CRB1: variants seen among roughly 807,000 people sequenced by gnomAD.
CRB1 encodes the protein protein crumbs homolog 1.
Under a neutral mutation model 120.0 loss-of-function variants are expected in CRB1, and 83 were observed. The ratio of observed to expected loss-of-function variants is 0.69; its 90% CI spans 0.58 to 0.83. The LOEUF (loss-of-function observed/expected upper bound fraction) is 0.83. Ranked by LOEUF, CRB1 falls within the 40% of genes least tolerant of loss-of-function variation. The pLI, the probability that CRB1 is intolerant of heterozygous loss-of-function variation, is 0.00. For missense variants in CRB1, 1,699 were observed against 1,687.6 expected (o/e 1.01, Z -0.12); for synonymous variants, 625 against 612.5 (o/e 1.02, Z -0.30).
intron 1 of CRB1, among the ~76,000 whole-genome samples, chr1:197,316,910 CA>C (rs201313713): frequency 9.6e-5 from 13 of 136,114 alleles, no homozygotes; most frequent in South Asian, 2.3e-4. Context: ...ACAATGGCTA[CA>C]AAAAAAAAAA....
chr1:197,274,392 A>G (rs1022432733), intron 1 of CRB1, among the ~76,000 whole-genome samples: 9 of 152,142 alleles, frequency 5.9e-5, no homozygotes, highest in African/African-American at 2.2e-4. Context: ...AGATTATTTC[A>G]TACATTTGTA....
chr1:197,309,103 GAC>G (rs1202540683), intron 1 of CRB1, among the ~76,000 whole-genome samples: 2 of 151,388 alleles, frequency 1.3e-5, no homozygotes, highest in African/African-American at 2.4e-5. Context: ...CACACACAAT[GAC>G]ACACATATAT....
In CRB1 at chr1:197,356,975, C is replaced by G; in HGVS notation, c.1133C>G (p.Ala378Gly). ...CCTTCTTCTTTCAGCTACCATGAAGCCTCAGGTTATGTCTGTATCTGTCAG... is the reference window on the plus strand; with the variant it reads ...CCTTCTTCTTTCAGCTACCATGAAGGCTCAGGTTATGTCTGTATCTGTCAG... ...GLPSSFSYHE[A>G]SGYVCICQPG... Residue 378 changes from alanine (A) to glycine (G), a missense_variant, in exon 5 of 12, where the codon GCC becomes GGC. Transcript: ENST00000367400. 6.2e-7 allele frequency: 1 copy of G among 1,614,170 alleles called. No homozygotes were observed. The highest frequency in any genetic ancestry group is 8.5e-7 in the Non-Finnish European group (1 of 1,180,028).
chr1:197,337,566 T>C (rs1474161393), intron 2 of CRB1, among the ~76,000 whole-genome samples: 1 of 152,214 alleles, frequency 6.6e-6, no homozygotes, highest in Non-Finnish European at 1.5e-5. Context: ...ATTTAGGCTA[T>C]GAAAGAGTTA....
At chr1:197,285,234 G>T (rs1349941920) in intron 1 of CRB1, among the ~76,000 whole-genome samples, 2 of 151,870 alleles carry the variant, frequency 1.3e-5, no homozygotes, top group African/African-American at 4.8e-5. Flanking sequence ...TTATAAGAGG[G>T]TTATGCAAGA....
At chr1:197,438,485 A>C (rs1052808984) in intron 9 of CRB1, 62 bp from the exon 10 acceptor site, 22 of 1,602,104 alleles carry the variant, frequency 1.4e-5, no homozygotes, top group Non-Finnish European at 1.8e-5. Flanking sequence ...ATTTATCAGA[A>C]AACTTTTCTT....
At chr1:197,215,184 T>C in the CRB1 span, among the ~76,000 whole-genome samples, 1 of 152,024 alleles carries the variant, frequency 6.6e-6, no homozygotes, top group Non-Finnish European at 1.5e-5. Flanking sequence ...ATAATGGCCA[T>C]TGGTATAGTT....
the CRB1 span, among the ~76,000 whole-genome samples, chr1:197,210,842 C>T: frequency 6.6e-6 from 1 of 152,084 alleles, no homozygotes; most frequent in Non-Finnish European, 1.5e-5. Flanking sequence ...GAGCTACACA[C>T]TCTAGAATCT....
At chr1:197,277,394 T>C (rs1394131111) in intron 1 of CRB1, among the ~76,000 whole-genome samples, 1 of 152,012 alleles carries the variant, frequency 6.6e-6, no homozygotes, top group Non-Finnish European at 1.5e-5. Context: ...AGCAGAGTGC[T>C]AATGAGGCTG....
intron 1 of CRB1, among the ~76,000 whole-genome samples, chr1:197,313,564 T>A (rs1426545504): frequency 1.3e-5 from 2 of 152,192 alleles, no homozygotes; most frequent in Admixed American, 1.3e-4. Flanking sequence ...TTTATCAAAT[T>A]GCGTTTTTGT....
chr1:197,381,729 C>A (rs1164796589), intron 5 of CRB1, among the ~76,000 whole-genome samples: 2 of 152,096 alleles, frequency 1.3e-5, no homozygotes. Flanking sequence ...AGTATTGTTC[C>A]TATCTTAATT....
chr1:197,383,932 C>A (rs1055900859), intron 5 of CRB1, among the ~76,000 whole-genome samples: 1 of 152,070 alleles, frequency 6.6e-6, no homozygotes, highest in Non-Finnish European at 1.5e-5. Context: ...GCCTTAAAAC[C>A]AGTGGAAGGT....
chr1:197,311,233 G>C (rs1657499478), intron 1 of CRB1, among the ~76,000 whole-genome samples: 1 of 152,170 alleles, frequency 6.6e-6, no homozygotes, highest in South Asian at 2.1e-4. Context: ...TCTGCCATCT[G>C]TGACAACATG....
rs540606021 is a variant in CRB1, at chr1:197,344,470, A to G, written c.842A>G (p.Glu281Gly). Residue 281 changes from glutamate to glycine, a missense_variant, in exon 3 of 12, where the codon GAA becomes GGA. By Grantham distance (98) the Glu-to-Gly change is moderately conservative. Transcript: ENST00000367400. ...CATGGAGGGCTGTGTGTGGATGGAG[A>G]AAACAGGTACATTTTCTCTGGCGTT... is the stretch of plus-strand genomic sequence containing the variant. ...CLHGGLCVDG[E>G]NRYSCNCTGS... The G allele has an allele frequency of 6.2e-7, 1 of 1,613,976 alleles. No homozygotes were observed. Among genetic ancestry groups the G allele is most frequent in the African/African-American group, 1.3e-5 (1 of 74,992 alleles).
At position 197,367,742 on chromosome 1, in the gene CRB1, C is replaced by T. The variant is rs190164709; in HGVS notation, c.1171+10729C>T. ...GTACTCCAACTCAGAGGAACACCCT[C>T]CCTGGTCTCTGGAACGCTACATTGT... On this transcript the variant is annotated intron_variant, in intron 5 of 11. Transcript: ENST00000367400. 3.1e-3 allele frequency among the ~76,000 whole-genome samples: 477 copies of T among 152,320 alleles called. 1 individual carries two copies. Among genetic ancestry groups the T allele is most frequent in the African/African-American group, 0.01 (425 of 41,576 alleles).
chr1:197,472,012 A>G (rs1368419706), intron 11 of CRB1, among the ~76,000 whole-genome samples: 1 of 152,224 alleles, frequency 6.6e-6, no homozygotes, highest in African/African-American at 2.4e-5. Flanking sequence ...AAATATTCCA[A>G]CTGGCATGTT....
chr1:197,314,734 T>G (rs1020998863), intron 1 of CRB1, among the ~76,000 whole-genome samples: 3 of 152,204 alleles, frequency 2.0e-5, no homozygotes, highest in African/African-American at 7.2e-5. Context: ...TGGTCTCTAC[T>G]CCTAAAGAAA....
chr1:197,307,069 G>T (rs567286364), intron 1 of CRB1, among the ~76,000 whole-genome samples: 12 of 152,184 alleles, frequency 7.9e-5, no homozygotes, highest in African/African-American at 2.9e-4. Flanking sequence ...GAATATAAGT[G>T]GTACCTGTAG....
At position 197,351,347 on chromosome 1, in the gene CRB1, G is replaced by A. The variant is rs116805042; in HGVS notation, c.988+3868G>A. Among the ~76,000 whole-genome samples, 720 of 132,422 alleles carry A rather than the reference G, an allele frequency of 5.4e-3. 8 individuals carry two copies. Among genetic ancestry groups the A allele is most frequent in the African/African-American group, 0.02 (670 of 34,284 alleles). 86.9% of individuals were successfully genotyped at this position (132,422 alleles called of 152,430 possible). On this transcript the variant is annotated intron_variant, in intron 4 of 11. Coordinates refer to ENST00000367400, the MANE Select transcript of CRB1 (RefSeq NM_201253.3). Reference sequence around the variant, plus strand: ...TGCACTCCAGCCTGTACTCCAGGGCGAGAGGGTGAGACTTGGCAAAAAAAA... The same window carrying A: ...TGCACTCCAGCCTGTACTCCAGGGCAAGAGGGTGAGACTTGGCAAAAAAAA...
Sources: gnomAD v4.1 joint callset for allele counts (sites outside exome capture counted in the v4.1 genomes callset) on GRCh38, gnomAD v4.1.1 for gene constraint, MANE v1.5 for transcripts, NCBI Gene and HGNC (gene_info 2026-07-23, HGNC 2026-07-21) for gene names.